The following ARHGAP10 variants were observed in gnomAD, a reference collection of about 807,000 sequenced individuals.
The protein encoded by ARHGAP10 is Rho GTPase activating protein 10.
A neutral mutation model predicts 108.6 loss-of-function variants in ARHGAP10; 87 were observed. That is an observed-to-expected ratio of 0.80 (90% CI 0.67 to 0.96). The LOEUF (loss-of-function observed/expected upper bound fraction) is 0.96. ARHGAP10 is among the 40% of genes least tolerant of loss of function. The pLI, the probability that ARHGAP10 is intolerant of heterozygous loss-of-function variation, is 0.00. For synonymous variants in ARHGAP10, 347 were observed against 341.1 expected, an observed-to-expected ratio of 1.02 and a Z score of -0.19; for missense variants, 939 against 954.5, an observed-to-expected ratio of 0.98 and a Z score of 0.21.
At chr4:147,741,034 A>G (rs1347945113) in intron 1 of ARHGAP10, among the ~76,000 whole-genome samples, 2 of 152,152 alleles carry the variant, frequency 1.3e-5, no homozygotes, top group East Asian at 3.8e-4. Flanking sequence ...TTTCCCTCTG[A>G]ATATATTTGT....
chr4:147,767,437 T>A (rs1362827948), intron 1 of ARHGAP10, among the ~76,000 whole-genome samples: 4 of 152,016 alleles, frequency 2.6e-5, no homozygotes, highest in Admixed American at 6.6e-5. Context: ...TTTCCCTGCA[T>A]GTCTAGTATC....
At chr4:148,050,157 G>A (rs903082595) in intron 20 of ARHGAP10, among the ~76,000 whole-genome samples, 9 of 152,022 alleles carry the variant, frequency 5.9e-5, no homozygotes, top group African/African-American at 1.9e-4. Context: ...GTGAGCTACC[G>A]TGCCCTGCCA....
At chr4:147,866,896 T>A in intron 7 of ARHGAP10, 80 bp downstream of exon 7, 1 of 1,206,660 alleles carries the variant, frequency 8.3e-7, no homozygotes, top group South Asian at 1.3e-5. Context: ...AAGCCTTAAT[T>A]AAATGAAGAC....
chr4:147,941,530 G>A (rs1157012416), intron 14 of ARHGAP10, among the ~76,000 whole-genome samples: 1 of 152,190 alleles, frequency 6.6e-6, no homozygotes, highest in Non-Finnish European at 1.5e-5. Flanking sequence ...GGACATGAGT[G>A]TGACACAACC....
At chr4:147,874,928 A>C (rs1275581397) in intron 7 of ARHGAP10, 93 bp from the exon 8 acceptor site, 1 of 1,295,372 alleles carries the variant, frequency 7.7e-7, no homozygotes, top group East Asian at 3.0e-5. Flanking sequence ...AGAGTTAAAA[A>C]ATGTAATTAC....
intron 1 of ARHGAP10, among the ~76,000 whole-genome samples, chr4:147,760,701 T>G (rs1454921443): frequency 6.6e-6 from 1 of 152,208 alleles, no homozygotes; most frequent in African/African-American, 2.4e-5. Context: ...ACATTGCCCT[T>G]TATTCCCTAC....
At chr4:147,747,244 T>A (rs551830393) in intron 1 of ARHGAP10, among the ~76,000 whole-genome samples, 3 of 152,152 alleles carry the variant, frequency 2.0e-5, no homozygotes, top group Non-Finnish European at 4.4e-5. Flanking sequence ...CTACAGGGAA[T>A]AAAATGCCTC....
intron 19 of ARHGAP10, among the ~76,000 whole-genome samples, chr4:148,036,353 G>C (rs1728376802): frequency 6.6e-6 from 1 of 152,126 alleles, no homozygotes; most frequent in Non-Finnish European, 1.5e-5. Flanking sequence ...ATGATTTGGT[G>C]TGTCCCCGCC....
chr4:147,961,782 A>G (rs2126992229), intron 16 of ARHGAP10, among the ~76,000 whole-genome samples: 1 of 151,836 alleles, frequency 6.6e-6, no homozygotes, highest in South Asian at 2.1e-4. Context: ...CCATTCCTTG[A>G]CCTCTCCTTA....
intron 19 of ARHGAP10, among the ~76,000 whole-genome samples, chr4:148,026,152 G>A (rs1056487373): frequency 2.0e-5 from 3 of 152,178 alleles, no homozygotes; most frequent in African/African-American, 7.2e-5. Context: ...TTTGAGTGAA[G>A]TGGTTTGTGG....
chr4:147,875,678 G>A (rs1735028630), intron 8 of ARHGAP10, among the ~76,000 whole-genome samples: 1 of 152,166 alleles, frequency 6.6e-6, no homozygotes, highest in African/African-American at 2.4e-5. Context: ...GTCTGAGATA[G>A]CTGGTTCTTA....
chr4:147,963,455 A>G (rs1215694689), intron 16 of ARHGAP10, among the ~76,000 whole-genome samples: 2 of 152,312 alleles, frequency 1.3e-5, no homozygotes, highest in African/African-American at 4.8e-5. Context: ...CTCTTTTGTC[A>G]CTTCTTTGAC....
intron 13 of ARHGAP10, among the ~76,000 whole-genome samples, chr4:147,936,812 C>G (rs1737968985): frequency 6.6e-6 from 1 of 152,174 alleles, no homozygotes; most frequent in Non-Finnish European, 1.5e-5. Context: ...AATAAAGTAT[C>G]ACAGGCTGGG....
chr4:147,786,232 T>C (rs1448916665), intron 1 of ARHGAP10, among the ~76,000 whole-genome samples: 4 of 152,184 alleles, frequency 2.6e-5, no homozygotes, highest in Non-Finnish European at 5.9e-5. Flanking sequence ...CTTAAGCAGC[T>C]GCATCATATC....
rs57534364 is a variant in ARHGAP10 at position 147,820,580 on chromosome 4, G to GTTTTT, written c.155-2121_155-2117dup. On this transcript the variant is annotated intron_variant, in intron 1 of 22. Transcript: ENST00000336498. ...TTACAGGCGTGGGCTACCTCGGCCA[G>GTTTTT]TTTTTTTTTTTTTTTTTTTTTTTTT... Among the ~76,000 whole-genome samples the GTTTTT allele has an allele frequency of 3.7e-4, 18 of 49,042 alleles. 3 individuals carry two copies. The South Asian group carries it at 4.5e-3, about 12-fold the overall frequency. 32.2% of individuals were successfully genotyped at this position (49,042 alleles called of 152,430 possible). A position where few individuals can be genotyped will look rare whatever the true frequency, so the allele number is the denominator to read the frequency against.
intron 16 of ARHGAP10, among the ~76,000 whole-genome samples, chr4:147,963,037 C>A (rs1024589679): frequency 2.6e-5 from 4 of 152,178 alleles, no homozygotes; most frequent in African/African-American, 9.7e-5. Flanking sequence ...CTATTCTAAT[C>A]CATCCTTTAA....
chr4:147,861,318 C>T (rs6857492), intron 5 of ARHGAP10: 2,542 of 152,344 alleles, frequency 0.017, 66 homozygotes, highest in African/African-American at 0.054. Flanking sequence ...AACACGGTGG[C>T]ACCCGGAAAC....
intron 18 of ARHGAP10, among the ~76,000 whole-genome samples, chr4:147,992,274 G>A (rs895025300): frequency 3.9e-5 from 6 of 152,114 alleles, no homozygotes; most frequent in Non-Finnish European, 7.3e-5. Context: ...GTGTTGCCAC[G>A]TTTGTCCTGC....
At chr4:147,831,012 G>A (rs80211380) in intron 3 of ARHGAP10, among the ~76,000 whole-genome samples, 1,825 of 152,292 alleles carry the variant, frequency 0.012, 24 homozygotes, top group Non-Finnish European at 0.015. Context: ...CATCACTTTA[G>A]GAACGTGCAA....
Sources: allele counts gnomAD v4.1 joint callset (sites outside exome capture counted in the v4.1 genomes callset), GRCh38; gene constraint gnomAD v4.1.1; transcripts MANE v1.5; gene names NCBI Gene and HGNC (gene_info 2026-07-23, HGNC 2026-07-21).